The following CAMTA1 variants were observed in gnomAD, a reference collection of about 807,000 sequenced individuals.
CAMTA1 encodes calmodulin binding transcription activator 1, also known as calmodulin-binding transcription activator 1.
A neutral mutation model predicts 170.9 loss-of-function variants in CAMTA1; 27 were observed. The ratio of observed to expected loss-of-function variants is 0.16; its 90% CI spans 0.12 to 0.22. The LOEUF (loss-of-function observed/expected upper bound fraction) is 0.22, where lower values mean the gene tolerates loss of function less well. Ranked by LOEUF, CAMTA1 falls within the 10% of genes least tolerant of loss-of-function variation. The probability of loss-of-function intolerance (pLI) is 1.00; values close to 1 mark genes in which losing one functional copy is unlikely to be tolerated. For missense variants in CAMTA1, 1,619 were observed against 2,217.2 expected (o/e 0.73, Z 5.42); for synonymous variants, 833 against 891.5 (o/e 0.93, Z 1.17).
rs1412111791 is a variant in CAMTA1 at position 7,680,169 on chromosome 1, G to A, written c.2914+2436G>A. On this transcript the variant is annotated intron_variant, in intron 11 of 22. Transcript: ENST00000303635. The surrounding 1 kb of genome is among the most constrained non-coding windows in gnomAD (Gnocchi z 4.4). Reference sequence around the variant, plus strand: ...GGGCCTCTGGCCAGCCACGGGGCCTGGCCATGAACTTTGCGTCCGGGCCAA... The same window carrying A: ...GGGCCTCTGGCCAGCCACGGGGCCTAGCCATGAACTTTGCGTCCGGGCCAA... The A allele has an allele frequency of 1.2e-5, 3 of 256,576 alleles. No homozygotes were observed. Among genetic ancestry groups the A allele is most frequent in the Non-Finnish European group, 2.6e-5 (3 of 117,056 alleles). The allele number at this position is 256,576 out of a possible 1,614,324, so 15.9% of individuals were successfully genotyped here.
chr1:7,370,332 G>A (rs1290761664), intron 5 of CAMTA1: 1 of 152,370 alleles, frequency 6.6e-6, no homozygotes, highest in African/African-American at 2.4e-5. Context: ...AGCGTTTTGT[G>A]TGGTAGAAAA....
intron 7 of CAMTA1, among the ~76,000 whole-genome samples, chr1:7,651,816 G>A (rs1031218472): frequency 8.5e-5 from 13 of 152,252 alleles, no homozygotes; most frequent in Admixed American, 2.6e-4. Context: ...AAACAGCTGC[G>A]GCCACATGGG....
Position 7,063,234 on chromosome 1 carries a change from C to T in CAMTA1, c.235-28070C>T, listed in dbSNP as rs1708508331. Among the ~76,000 whole-genome samples, 1 of 152,144 alleles carries T rather than the reference C, an allele frequency of 6.6e-6. No individual in the cohort carries two copies. Among genetic ancestry groups the T allele is most frequent in the African/African-American group, 2.4e-5 (1 of 41,420 alleles). On this transcript the variant is annotated intron_variant, in intron 3 of 22. Transcript: ENST00000303635. The surrounding 1 kb of genome is among the most constrained non-coding windows in gnomAD (Gnocchi z 4.3). Reference sequence around the variant, plus strand: ...TTGAATTTGCTCCCACTTTCTTCACCCCCTAACATCAGGTCAAATCCGGCC... The same window carrying T: ...TTGAATTTGCTCCCACTTTCTTCACTCCCTAACATCAGGTCAAATCCGGCC...
chr1:6,858,958 C>A (rs1332231152), intron 3 of CAMTA1, among the ~76,000 whole-genome samples: 1 of 152,118 alleles, frequency 6.6e-6, no homozygotes, highest in Non-Finnish European at 1.5e-5. Flanking sequence ...ATCATTATGT[C>A]CTTTTTGCCA....
rs866086758 is a variant in CAMTA1 at position 7,390,238 on chromosome 1, G to A, written c.439-77592G>A. Among the ~76,000 whole-genome samples, 35 of 152,286 alleles carry A rather than the reference G, an allele frequency of 2.3e-4. No homozygotes were observed. The Middle Eastern group carries it at 0.02, about 89-fold the overall frequency. Reference sequence around the variant, plus strand: ...CTCTCTTAAGCAAAGCGAGCTTAGGGTTCACAGGGCCAGAGCAAGAGGGTG... The same window carrying A: ...CTCTCTTAAGCAAAGCGAGCTTAGGATTCACAGGGCCAGAGCAAGAGGGTG... On this transcript the variant is annotated intron_variant, in intron 5 of 22. Transcript: ENST00000303635.
At chr1:7,494,578 C>T (rs560815577) in intron 6 of CAMTA1, among the ~76,000 whole-genome samples, 4 of 152,028 alleles carry the variant, frequency 2.6e-5, no homozygotes, top group Non-Finnish European at 4.4e-5. Flanking sequence ...CCAAGGCAGG[C>T]GGATCACTTG....
At chr1:7,539,415 G>C (rs181054177) in intron 6 of CAMTA1, among the ~76,000 whole-genome samples, 1 of 152,356 alleles carries the variant, frequency 6.6e-6, no homozygotes, top group East Asian at 1.9e-4. Flanking sequence ...TCTTCCAAAA[G>C]TGGGAAATGA....
intron 3 of CAMTA1, among the ~76,000 whole-genome samples, chr1:6,876,396 T>C (rs1035269843): frequency 2.0e-5 from 3 of 151,860 alleles, no homozygotes; most frequent in African/African-American, 7.3e-5. Context: ...AGTTTTGCTC[T>C]TGTCGCCCAG....
chr1:6,990,773 T>TTCTC (rs965509168), intron 3 of CAMTA1, among the ~76,000 whole-genome samples: 12 of 143,354 alleles, frequency 8.4e-5, no homozygotes, highest in Middle Eastern at 3.5e-3. Flanking sequence ...AACATGTACT[T>TTCTC]TCTCTCTCTC....
chr1:7,684,146 C>G (rs2096238355), intron 11 of CAMTA1, among the ~76,000 whole-genome samples: 3 of 152,214 alleles, frequency 2.0e-5, no homozygotes, highest in Non-Finnish European at 4.4e-5. Flanking sequence ...TAGGAGGAAG[C>G]TTGCCTCTCA....
At chr1:7,149,067 CCCTT>C (rs1399031792) in intron 4 of CAMTA1, among the ~76,000 whole-genome samples, 1 of 152,224 alleles carries the variant, frequency 6.6e-6, no homozygotes, top group African/African-American at 2.4e-5. Context: ...ATCATCCACT[CCCTT>C]CCAGCTGCCC....
In CAMTA1 at chr1:7,562,581, G is replaced by T. The variant is rs2094972888; in HGVS notation, c.511-77819G>T. Among the ~76,000 whole-genome samples the T allele has an allele frequency of 6.6e-6, 1 of 152,210 alleles. No homozygotes were observed. The highest frequency in any genetic ancestry group is 1.5e-5 in the Non-Finnish European group (1 of 68,032). ...AGGCAGCAGTACCCGCTGTCACGCT[G>T]CCTGCATGTCCCAGAAATGTTATCT... On this transcript the variant is annotated intron_variant, in intron 6 of 22. Coordinates refer to ENST00000303635, the MANE Select transcript of CAMTA1 (RefSeq NM_015215.4). This position sits in a 1 kb window ranked among gnomAD's most constrained non-coding sequence, Gnocchi z 4.8.
intron 6 of CAMTA1, among the ~76,000 whole-genome samples, chr1:7,488,868 C>A (rs577918591): frequency 6.6e-6 from 1 of 152,274 alleles, no homozygotes; most frequent in Admixed American, 6.5e-5. Flanking sequence ...TATATACACA[C>A]AATACACATT....
intron 3 of CAMTA1, among the ~76,000 whole-genome samples, chr1:6,915,460 G>A (rs922566485): frequency 1.3e-5 from 2 of 152,158 alleles, no homozygotes; most frequent in Non-Finnish European, 2.9e-5. Context: ...CTGATGTGGG[G>A]GCATTGGTAC....
At chr1:7,497,296 C>A (rs1489577006) in intron 6 of CAMTA1, among the ~76,000 whole-genome samples, 2 of 152,100 alleles carry the variant, frequency 1.3e-5, no homozygotes, top group African/African-American at 4.8e-5. Flanking sequence ...AGAAGCCAGC[C>A]ACCTCCCCCA....
Position 7,696,103 on chromosome 1 carries a change from A to G in CAMTA1, c.2914+18370A>G, listed in dbSNP as rs577451829. ...ATGGTGATGTCAAAATGGCTTTCTC[A>G]TAAATGTCACAGTCTTTTGACTCCA... On this transcript the variant is annotated intron_variant, in intron 11 of 22. Coordinates refer to ENST00000303635, the MANE Select transcript of CAMTA1 (RefSeq NM_015215.4). 3.3e-5 allele frequency among the ~76,000 whole-genome samples: 5 copies of G among 152,314 alleles called. No individual in the cohort carries two copies. The South Asian group carries it at 1.0e-3, about 32-fold the overall frequency.
intron 6 of CAMTA1, among the ~76,000 whole-genome samples, chr1:7,604,094 T>C (rs1315902200): frequency 4.6e-5 from 7 of 152,218 alleles, no homozygotes; most frequent in African/African-American, 1.4e-4. Context: ...AACCCGACCT[T>C]TCTCTCTGGC....
At chr1:7,321,304 A>T (rs1183895717) in intron 5 of CAMTA1, among the ~76,000 whole-genome samples, 1 of 152,044 alleles carries the variant, frequency 6.6e-6, no homozygotes, top group Non-Finnish European at 1.5e-5. Context: ...GTGGCTCCTG[A>T]CTTCTGATGG....
chr1:7,013,138 G>A (rs566888466), intron 3 of CAMTA1, among the ~76,000 whole-genome samples: 7 of 150,058 alleles, frequency 4.7e-5, no homozygotes, highest in South Asian at 2.1e-4. Context: ...CACCTCCTCC[G>A]TGCCAGCACT....
Sources: allele counts gnomAD v4.1 joint callset (sites outside exome capture counted in the v4.1 genomes callset), GRCh38; gene constraint gnomAD v4.1.1; non-coding constraint Gnocchi (gnomAD v3.1); transcripts MANE v1.5; gene names NCBI Gene and HGNC (gene_info 2026-07-23, HGNC 2026-07-21).